Variants in B3GALT1 observed in about 807,000 individuals in gnomAD.
B3GALT1 encodes the protein beta-1,3-galactosyltransferase 1.
B3GALT1 carries 10 observed loss-of-function variants against 23.2 expected under a neutral mutation model. The ratio of observed to expected loss-of-function variants is 0.43; its 90% CI spans 0.27 to 0.73. The LOEUF is 0.73. Ranked by LOEUF, B3GALT1 falls within the 30% of genes least tolerant of loss-of-function variation. The pLI, the probability that B3GALT1 is intolerant of heterozygous loss-of-function variation, is 0.21. For missense variants in B3GALT1, 299 were observed against 405.4 expected, an observed-to-expected ratio of 0.74 and a Z score of 2.25; for synonymous variants, 156 against 141.5, an observed-to-expected ratio of 1.10 and a Z score of -0.73.
chr2:167,440,655 A>G (rs1486868786), intron 1 of B3GALT1, among the ~76,000 whole-genome samples: 1 of 151,338 alleles, frequency 6.6e-6, no homozygotes, highest in African/African-American at 2.4e-5. Flanking sequence ...GTTTTTTTTA[A>G]TTTCAATATT....
At chr2:167,462,365 T>G (rs1699270987) in intron 1 of B3GALT1, among the ~76,000 whole-genome samples, 1 of 152,160 alleles carries the variant, frequency 6.6e-6, no homozygotes, top group Non-Finnish European at 1.5e-5. Context: ...AGTCCTTGAT[T>G]TAGGCTACTC....
intron 1 of B3GALT1, among the ~76,000 whole-genome samples, chr2:167,364,669 C>G (rs1359915927): frequency 6.6e-6 from 1 of 152,162 alleles, no homozygotes; most frequent in Non-Finnish European, 1.5e-5. Context: ...AACATGAACT[C>G]ATCCTTTTTT....
intron 3 of B3GALT1, among the ~76,000 whole-genome samples, chr2:167,692,283 A>G (rs1686727262): frequency 6.6e-6 from 1 of 152,180 alleles, no homozygotes; most frequent in East Asian, 1.9e-4. Flanking sequence ...TTTCCTACCC[A>G]TCTCTTGCCT....
At chr2:167,769,904 T>TTTTA (rs1688044040) in intron 3 of B3GALT1, among the ~76,000 whole-genome samples, 2 of 152,216 alleles carry the variant, frequency 1.3e-5, no homozygotes, top group Admixed American at 1.3e-4. Flanking sequence ...TCATTTGAAA[T>TTTTA]ATGTAGGAGT....
At chr2:167,769,932 T>C (rs1485558282) in intron 3 of B3GALT1, among the ~76,000 whole-genome samples, 1 of 152,222 alleles carries the variant, frequency 6.6e-6, no homozygotes, top group Non-Finnish European at 1.5e-5. Context: ...ATGGGTCATA[T>C]AGTAAGTGTA....
At chr2:167,544,325 C>T (rs907221269) in intron 2 of B3GALT1, among the ~76,000 whole-genome samples, 8 of 152,176 alleles carry the variant, frequency 5.3e-5, no homozygotes, top group African/African-American at 1.9e-4. Context: ...GACAGAGTCT[C>T]AATCTGTTGC....
At chr2:167,836,804 G>C (rs1343492676) in intron 4 of B3GALT1, among the ~76,000 whole-genome samples, 1 of 152,224 alleles carries the variant, frequency 6.6e-6, no homozygotes, top group Non-Finnish European at 1.5e-5. Flanking sequence ...ACAAAGGGAA[G>C]CCCATCAGAC....
chr2:167,489,928 A>G (rs1443468514), intron 1 of B3GALT1, among the ~76,000 whole-genome samples: 4 of 152,184 alleles, frequency 2.6e-5, no homozygotes, highest in South Asian at 2.1e-4. Context: ...CAGTAAAGAC[A>G]TCATTTATTC....
Position 167,301,051 on chromosome 2 carries a change from G to A in B3GALT1, c.-511+7717G>A, listed in dbSNP as rs4426505. On this transcript the variant is annotated intron_variant, in intron 1 of 4. Transcript: ENST00000392690. The stretch of plus-strand genomic sequence containing the variant: ...TCATATTCATCATTTTATTCTGAGC[G>A]CATTGAATATAAGTTGGGCACAGTA... Among the ~76,000 whole-genome samples, 370 of 152,186 alleles carry A rather than the reference G, an allele frequency of 2.4e-3. 2 individuals carry two copies. Among genetic ancestry groups the A allele is most frequent in the Non-Finnish European group, 4.1e-3 (278 of 68,012 alleles).
chr2:167,861,849 A>G (rs1310547930), intron 4 of B3GALT1, among the ~76,000 whole-genome samples: 1 of 152,188 alleles, frequency 6.6e-6, no homozygotes, highest in African/African-American at 2.4e-5. Flanking sequence ...AACATTTTTC[A>G]GATGTCTTAC....
chr2:167,384,302 C>T lies in B3GALT1; in HGVS notation c.-511+90968C>T, dbSNP rs186836456. 3.2e-3 allele frequency among the ~76,000 whole-genome samples: 482 copies of T among 152,254 alleles called. 3 individuals carry two copies. The highest frequency in any genetic ancestry group is 0.011 in the African/African-American group (439 of 41,548). ...CTCTACTAGAAAGCATTCTTCCTCC[C>T]TGGGTGGTACAGATGCATGCCAGAT... On this transcript the variant is annotated intron_variant, in intron 1 of 4. Transcript: ENST00000392690.
chr2:167,512,206 T>G (rs1700015099), intron 2 of B3GALT1, among the ~76,000 whole-genome samples: 1 of 151,970 alleles, frequency 6.6e-6, no homozygotes. Context: ...AATTCAGTAT[T>G]CCACCATTAA....
Position 167,869,033 on chromosome 2 carries a change from C to G in B3GALT1, c.-7C>G. ...TCAATATTTGGAATAGACGTGTTCT[C>G]AAGACAATGGCTTCAAAGGTCTCCT... On this transcript the variant is annotated 5_prime_UTR_variant, in exon 5 of 5. Transcript: ENST00000392690. This position sits in a 1 kb window ranked among gnomAD's most constrained non-coding sequence, Gnocchi z 6.4. 1 of 1,592,302 alleles carries G rather than the reference C, an allele frequency of 6.3e-7. No individual in the cohort carries two copies. The highest frequency in any genetic ancestry group is 8.6e-7 in the Non-Finnish European group (1 of 1,169,406).
chr2:167,609,768 A>G (rs1284754442), intron 2 of B3GALT1, among the ~76,000 whole-genome samples: 5 of 152,144 alleles, frequency 3.3e-5, no homozygotes, highest in African/African-American at 1.2e-4. Flanking sequence ...AGAAAGATCA[A>G]TTCCCCTAAT....
intron 1 of B3GALT1, among the ~76,000 whole-genome samples, chr2:167,338,380 A>T (rs571498120): frequency 2.3e-3 from 349 of 152,302 alleles, no homozygotes; most frequent in Non-Finnish European, 3.7e-3. Context: ...GATCACTAAC[A>T]TAATACTAAA....
chr2:167,375,309 G>T (rs889915140), intron 1 of B3GALT1, among the ~76,000 whole-genome samples: 1 of 151,934 alleles, frequency 6.6e-6, no homozygotes, highest in Non-Finnish European at 1.5e-5. Context: ...TAGGATTTTT[G>T]TGGCTATTTG....
In B3GALT1 at chr2:167,868,976, G is replaced by T; in HGVS notation, c.-64G>T. ...TAGTAATATGCTGCCTTTGGAAGAT[G>T]AAAACAAACTAGTGCCAAGGAGGCG... On this transcript the variant is annotated 5_prime_UTR_variant, in exon 5 of 5. It removes an upstream start codon present in the reference 5' UTR. Coordinates refer to ENST00000392690, the MANE Select transcript of B3GALT1 (RefSeq NM_020981.4). 6.6e-7 allele frequency: 1 copy of T among 1,508,942 alleles called. No homozygotes were observed. Among genetic ancestry groups the T allele is most frequent in the South Asian group, 1.3e-5 (1 of 74,170 alleles). 93.5% of individuals were successfully genotyped at this position (1,508,942 alleles called of 1,614,324 possible). A position where few individuals can be genotyped will look rare whatever the true frequency, so the allele number is the denominator to read the frequency against.
chr2:167,589,669 A>T (rs187138840), intron 2 of B3GALT1, among the ~76,000 whole-genome samples: 2 of 152,228 alleles, frequency 1.3e-5, no homozygotes, highest in African/African-American at 2.4e-5. Context: ...TTTTATGCTG[A>T]CACTAGTACT....
chr2:167,478,880 A>T (rs1287320991), intron 1 of B3GALT1, among the ~76,000 whole-genome samples: 1 of 152,082 alleles, frequency 6.6e-6, no homozygotes, highest in African/African-American at 2.4e-5. Flanking sequence ...CAGCTTTCTA[A>T]ATTTTCTTCA....
Sources: allele counts gnomAD v4.1 joint callset (sites outside exome capture counted in the v4.1 genomes callset), GRCh38; gene constraint gnomAD v4.1.1; non-coding constraint Gnocchi (gnomAD v3.1); transcripts MANE v1.5; gene names NCBI Gene and HGNC (gene_info 2026-07-23, HGNC 2026-07-21).